Variants in NCOR1 observed in about 807,000 individuals in gnomAD.
The protein encoded by NCOR1 is nuclear receptor corepressor 1, also known as protein phosphatase 1, regulatory subunit 109.
In NCOR1, 63 loss-of-function variants were observed where a neutral mutation model predicts 288.1. The ratio of observed to expected loss-of-function variants is 0.22; its 90% CI spans 0.18 to 0.27. The LOEUF (loss-of-function observed/expected upper bound fraction) is 0.27. Ranked by LOEUF, NCOR1 falls within the 10% of genes least tolerant of loss-of-function variation. The pLI, the probability that NCOR1 is intolerant of heterozygous loss-of-function variation, is 1.00. For synonymous variants in NCOR1, 1,007 were observed against 1,065.9 expected (o/e 0.94, Z 1.08); for missense variants, 2,397 against 3,019.2 (o/e 0.79, Z 4.83).
intron 16 of NCOR1, among the ~76,000 whole-genome samples, chr17:16,120,550 G>A (rs1268211949): frequency 1.3e-5 from 2 of 152,020 alleles, no homozygotes; most frequent in East Asian, 1.9e-4. Context: ...AAACTAATGA[G>A]ACAATACTTA....
In NCOR1 at chr17:16,032,120, C is replaced by A; in HGVS notation, c.*176G>T. On this transcript the variant is annotated 3_prime_UTR_variant, in exon 46 of 46. Coordinates refer to ENST00000268712, the MANE Select transcript of NCOR1 (RefSeq NM_006311.4). ...AAGGCAGTTTTTTGTTTGTTTTTTTCCCATTTGACTCTCCAAATGAACTTC... is the reference window on the plus strand; with the variant it reads ...AAGGCAGTTTTTTGTTTGTTTTTTTACCATTTGACTCTCCAAATGAACTTC... The A allele has an allele frequency of 1.6e-6, 1 of 627,572 alleles. No homozygotes were observed. The highest frequency in any genetic ancestry group is 2.5e-6 in the Non-Finnish European group (1 of 394,712). The allele number at this position is 627,572 out of a possible 1,614,324, so 38.9% of individuals were successfully genotyped here.
Position 16,119,503 on chromosome 17 carries a change from C to T in NCOR1, c.1853-18G>A, listed in dbSNP as rs2153136742. 2 of 1,547,974 alleles carry T rather than the reference C, an allele frequency of 1.3e-6. No individual in the cohort carries two copies. Among genetic ancestry groups the T allele is most frequent in the South Asian group, 1.2e-5 (1 of 83,754 alleles). ...TGTAGAAACTAAAATAAAGAGAGAA[C>T]CCAATCAGGCAGAGAAAAACAAAGT... On this transcript the variant is annotated intron_variant, in intron 16 of 45. Coordinates refer to ENST00000268712, the MANE Select transcript of NCOR1 (RefSeq NM_006311.4).
chr17:16,108,094 T>C (rs371681213), intron 19 of NCOR1: 1 of 156,098 alleles, frequency 6.4e-6, no homozygotes, highest in East Asian at 1.9e-4. Context: ...ATTATCTGCA[T>C]ATACAAAACA....
chr17:16,092,696 T>TATATATATAGATATA (rs1491299823), intron 21 of NCOR1, among the ~76,000 whole-genome samples: 1 of 9,322 alleles, frequency 1.1e-4, no homozygotes. Flanking sequence ...TATATATATA[T>TATATATATAGATATA]TTTTTTTTTT....
In NCOR1 at chr17:16,127,385, GTA is replaced by G. The variant is rs1430342487; in HGVS notation, c.1510-1181_1510-1180del. ...TATATACATGTATGTATATATGTAT[GTA>G]TATATACATGTGTATATGTGTATGT... On this transcript the variant is annotated intron_variant, in intron 14 of 45. Coordinates refer to ENST00000268712, the MANE Select transcript of NCOR1 (RefSeq NM_006311.4). 9.5e-5 allele frequency among the ~76,000 whole-genome samples: 12 copies of G among 126,292 alleles called. 4 individuals carry two copies. Among genetic ancestry groups the G allele is most frequent in the African/African-American group, 3.7e-4 (12 of 32,284 alleles). The allele number at this position is 126,292 out of a possible 152,430, so 82.9% of individuals were successfully genotyped here.
At chr17:16,095,719 G>A (rs1246759701) in intron 21 of NCOR1, among the ~76,000 whole-genome samples, 3 of 126,470 alleles carry the variant, frequency 2.4e-5, no homozygotes, top group South Asian at 2.7e-4. Context: ...TCAGCCCCCC[G>A]CCCGGCCAGC....
At chr17:16,182,625 T>G (rs1166841427) in intron 3 of NCOR1, among the ~76,000 whole-genome samples, 2 of 152,108 alleles carry the variant, frequency 1.3e-5, no homozygotes, top group Non-Finnish European at 2.9e-5. Flanking sequence ...CGGCTAATGT[T>G]TTGTATTTTT....
At chr17:16,058,121 A>G (rs751361159) in intron 38 of NCOR1, 57 bp from the exon 39 acceptor site, 4 of 1,555,978 alleles carry the variant, frequency 2.6e-6, no homozygotes, top group African/African-American at 1.4e-5. Context: ...TTCACTCATT[A>G]TCAAAGATTA....
rs1259616485 is a variant in NCOR1, at chr17:16,032,251, C to T, written c.*45G>A. The T allele has an allele frequency of 6.6e-7, 1 of 1,511,382 alleles. No homozygotes were observed. The highest frequency in any genetic ancestry group is 1.4e-5 in the African/African-American group (1 of 69,798). The allele number at this position is 1,511,382 out of a possible 1,614,324, so 93.6% of individuals were successfully genotyped here. ...GCTACTAAAAATTAAACCACAAAAA[C>T]TAGAGATCCCTCTCCTGCACCCTGT... On this transcript the variant is annotated 3_prime_UTR_variant, in exon 46 of 46. Transcript: ENST00000268712.
intron 19 of NCOR1, among the ~76,000 whole-genome samples, chr17:16,108,523 GAC>G (rs1241010380): frequency 2.6e-5 from 4 of 152,156 alleles, no homozygotes; most frequent in African/African-American, 9.7e-5. Context: ...CAATGACACA[GAC>G]ACACAGGTAT....
intron 22 of NCOR1, chr17:16,087,025 C>T: frequency 2.0e-6 from 1 of 510,702 alleles, no homozygotes; most frequent in Non-Finnish European, 3.1e-6. Flanking sequence ...CTAAATACAA[C>T]TGATGATGGA....
chr17:16,150,478 A>G (rs1284226684), intron 8 of NCOR1, among the ~76,000 whole-genome samples: 3 of 152,210 alleles, frequency 2.0e-5, no homozygotes, highest in Non-Finnish European at 2.9e-5. Flanking sequence ...AGTTTGCTAT[A>G]ATTTTAAGTA....
chr17:16,057,121 A>G (rs912903777), intron 40 of NCOR1: 5 of 189,232 alleles, frequency 2.6e-5, no homozygotes, highest in African/African-American at 1.2e-4. Flanking sequence ...GGTATAAGCC[A>G]CTATGTCTGG....
At chr17:16,055,057 C>A (rs1315111912) in intron 40 of NCOR1, among the ~76,000 whole-genome samples, 1 of 152,174 alleles carries the variant, frequency 6.6e-6, no homozygotes. Flanking sequence ...GAAAATGGAA[C>A]ACTTATACAC....
intron 1 of NCOR1, among the ~76,000 whole-genome samples, chr17:16,209,057 A>G (rs1280149571): frequency 1.3e-5 from 2 of 152,164 alleles, no homozygotes; most frequent in Admixed American, 6.6e-5. Context: ...GAGTGGGAAA[A>G]GAAGAAAAAA....
At chr17:16,123,050 C>G (rs1336528450) in intron 15 of NCOR1, among the ~76,000 whole-genome samples, 1 of 152,164 alleles carries the variant, frequency 6.6e-6, no homozygotes, top group African/African-American at 2.4e-5. Flanking sequence ...ACTCACACCC[C>G]AACTCCAAAG....
At chr17:16,048,770 G>C in intron 41 of NCOR1, 75 bp downstream of exon 41, 1 of 1,407,826 alleles carries the variant, frequency 7.1e-7, no homozygotes, top group Non-Finnish European at 9.4e-7. Context: ...GAGAAAAACG[G>C]CAACAACTGA....
chr17:16,126,307 T>A, intron 14 of NCOR1, 101 bp from the exon 15 acceptor site: 7 of 1,196,194 alleles, frequency 5.9e-6, no homozygotes, highest in Non-Finnish European at 7.9e-6. Context: ...TAAATGATTG[T>A]TAGTCATTTA....
chr17:16,060,872 T>TG (rs1426304406), intron 37 of NCOR1, among the ~76,000 whole-genome samples: 6 of 152,232 alleles, frequency 3.9e-5, no homozygotes, highest in Admixed American at 2.0e-4. Context: ...TGTAGACCTG[T>TG]GAATTCTAAC....
Sources: gnomAD v4.1 joint callset for allele counts (sites outside exome capture counted in the v4.1 genomes callset) on GRCh38, gnomAD v4.1.1 for gene constraint, MANE v1.5 for transcripts, NCBI Gene and HGNC (gene_info 2026-07-23, HGNC 2026-07-21) for gene names.